The following RALGAPA1 variants were observed in gnomAD, a reference collection of about 807,000 sequenced individuals.
RALGAPA1 encodes Ral GTPase activating protein catalytic subunit alpha 1, also known as ral GTPase-activating protein subunit alpha-1.
Under a neutral mutation model 269.6 loss-of-function variants are expected in RALGAPA1, and 52 were observed. That is an observed-to-expected ratio of 0.19 (90% CI 0.15 to 0.24). RALGAPA1 has a LOEUF of 0.24. RALGAPA1 is among the 10% of genes least tolerant of loss of function. The pLI is 1.00. For synonymous variants in RALGAPA1, 817 were observed against 1,008.3 expected, an observed-to-expected ratio of 0.81 and a Z score of 3.60; for missense variants, 1,917 against 3,013.9, an observed-to-expected ratio of 0.64 and a Z score of 8.52.
At chr14:35,714,729 G>A (rs925343775) in intron 16 of RALGAPA1, among the ~76,000 whole-genome samples, 3 of 151,868 alleles carry the variant, frequency 2.0e-5, no homozygotes, top group African/African-American at 7.3e-5. Context: ...CTTGCATCTC[G>A]GACTTTAATT....
intron 16 of RALGAPA1, among the ~76,000 whole-genome samples, chr14:35,720,288 C>T (rs1198865580): frequency 2.0e-5 from 3 of 152,092 alleles, no homozygotes; most frequent in Admixed American, 6.5e-5. Context: ...TAAGACAATT[C>T]TGAATATGTG....
intron 9 of RALGAPA1, 24 bp from the exon 10 acceptor site, chr14:35,748,848 AAG>A (rs1555427369): frequency 1.3e-6 from 2 of 1,543,932 alleles, no homozygotes; most frequent in East Asian, 2.3e-5. Flanking sequence ...AAAAAAAAAA[AAG>A]AGAGAAACAA....
At chr14:35,761,073 A>G (rs1214261270) in intron 5 of RALGAPA1, 67 bp from the exon 6 acceptor site, 2 of 1,219,964 alleles carry the variant, frequency 1.6e-6, no homozygotes, top group African/African-American at 3.1e-5. Flanking sequence ...TTTGAAAAAC[A>G]AAGTTCTCTA....
intron 35 of RALGAPA1, among the ~76,000 whole-genome samples, chr14:35,621,986 C>T (rs1008362603): frequency 1.3e-5 from 2 of 152,154 alleles, no homozygotes; most frequent in Admixed American, 6.5e-5. Context: ...ACTAGAATTA[C>T]CATTTGACCC....
intron 4 of RALGAPA1, among the ~76,000 whole-genome samples, chr14:35,764,928 C>CT (rs1250456788): frequency 6.6e-6 from 1 of 152,180 alleles, no homozygotes; most frequent in Non-Finnish European, 1.5e-5. Context: ...TCCTTCCTTA[C>CT]ATTAAAATTA....
chr14:35,759,198 C>G (rs2073465603), intron 6 of RALGAPA1, among the ~76,000 whole-genome samples: 1 of 152,164 alleles, frequency 6.6e-6, no homozygotes, highest in African/African-American at 2.4e-5. Context: ...ACATTTTATG[C>G]CAGCTTGGTA....
chr14:35,709,968 T>A (rs912998988), intron 16 of RALGAPA1, among the ~76,000 whole-genome samples: 1 of 152,232 alleles, frequency 6.6e-6, no homozygotes, highest in Non-Finnish European at 1.5e-5. Flanking sequence ...TCTTGGTGAA[T>A]GTTTTGCATG....
At chr14:35,794,434 T>C (rs2076411159) in intron 1 of RALGAPA1, among the ~76,000 whole-genome samples, 1 of 152,276 alleles carries the variant, frequency 6.6e-6, no homozygotes, top group Admixed American at 6.5e-5. Flanking sequence ...AATCTGTTAA[T>C]CCATACTATT....
In RALGAPA1 at chr14:35,570,100, T is replaced by C. The variant is rs553468209; in HGVS notation, c.7496+517A>G. 1.7e-3 allele frequency among the ~76,000 whole-genome samples: 259 copies of C among 151,886 alleles called. 1 individual carries two copies. Among genetic ancestry groups the C allele is most frequent in the Admixed American group, 2.2e-3 (33 of 15,272 alleles). ...GCCTGGCCAACATGGTAAAACCCTGTCTCTACTAAAAATACAAAAATTAGC... is the reference window on the plus strand; with the variant it reads ...GCCTGGCCAACATGGTAAAACCCTGCCTCTACTAAAAATACAAAAATTAGC... On this transcript the variant is annotated intron_variant, in intron 39 of 41. Transcript: ENST00000680220.
chr14:35,669,177 A>G (rs1353608862), intron 26 of RALGAPA1, among the ~76,000 whole-genome samples: 1 of 152,220 alleles, frequency 6.6e-6, no homozygotes, highest in African/African-American at 2.4e-5. Flanking sequence ...AAACTCTTAC[A>G]TTGCACATAT....
chr14:35,586,641 T>C (rs1031902935), intron 37 of RALGAPA1, among the ~76,000 whole-genome samples: 1 of 152,232 alleles, frequency 6.6e-6, no homozygotes, highest in Non-Finnish European at 1.5e-5. Flanking sequence ...CCTAGTTTAT[T>C]GAGAGTTTTT....
chr14:35,539,619 G>C lies in RALGAPA1; in HGVS notation c.*95C>G. 1 of 1,614,118 alleles carries C rather than the reference G, an allele frequency of 6.2e-7. No individual in the cohort carries two copies. The highest frequency in any genetic ancestry group is 8.5e-7 in the Non-Finnish European group (1 of 1,180,020). ...CTTTTGCTAGTTCGAGGAGACATTG[G>C]AGAGGCCAGGTCAGCCCCATCTACC... On this transcript the variant is annotated 3_prime_UTR_variant, in exon 42 of 42. Coordinates refer to ENST00000680220, the MANE Select transcript of RALGAPA1 (RefSeq NM_001346249.2).
In RALGAPA1 at chr14:35,627,662, T is replaced by G. The variant is rs768027154; in HGVS notation, c.6285A>C (p.Ala2095=). 6.3e-7 allele frequency: 1 copy of G among 1,580,864 alleles called. No individual in the cohort carries two copies. Among genetic ancestry groups the G allele is most frequent in the Non-Finnish European group, 8.6e-7 (1 of 1,163,352 alleles). The change falls in exon 34 of 42, where the codon GCA becomes GCC. Residue 2095 remains alanine, a synonymous_variant. Transcript: ENST00000680220. The part of the protein sequence containing the change: ...MPGGGLSAGL[A]SANSNVRIIV... ...TGATTCTGACATTTGAATTGGCTGATGCAAGGCCAGCAGATAAACCTCCTC... is the reference window on the plus strand; with the variant it reads ...TGATTCTGACATTTGAATTGGCTGAGGCAAGGCCAGCAGATAAACCTCCTC...
At chr14:35,711,542 G>A (rs2068341543) in intron 16 of RALGAPA1, among the ~76,000 whole-genome samples, 1 of 152,168 alleles carries the variant, frequency 6.6e-6, no homozygotes, top group Admixed American at 6.5e-5. Flanking sequence ...CAACTTCCTG[G>A]GCTCAAGAGA....
At chr14:35,727,095 T>A in intron 13 of RALGAPA1, among the ~76,000 whole-genome samples, 1 of 151,828 alleles carries the variant, frequency 6.6e-6, no homozygotes. Flanking sequence ...TATAAAGCCA[T>A]TTTATACATA....
chr14:35,781,039 T>G (rs550588173), intron 1 of RALGAPA1, among the ~76,000 whole-genome samples: 1 of 152,014 alleles, frequency 6.6e-6, no homozygotes, highest in South Asian at 2.1e-4. Flanking sequence ...ATAAAAGAAA[T>G]AGAGACCCCC....
At chr14:35,636,203 T>A (rs2061655529) in intron 31 of RALGAPA1, among the ~76,000 whole-genome samples, 2 of 152,268 alleles carry the variant, frequency 1.3e-5, no homozygotes, top group Non-Finnish European at 2.9e-5. Flanking sequence ...CACACCATCA[T>A]GCCTGGATGG....
chr14:35,788,282 T>C lies in RALGAPA1; in HGVS notation c.107-12537A>G, dbSNP rs148326760. Among the ~76,000 whole-genome samples the C allele has an allele frequency of 1.9e-3, 294 of 152,272 alleles. 1 individual carries two copies. The highest frequency in any genetic ancestry group is 6.7e-3 in the African/African-American group (280 of 41,534). On this transcript the variant is annotated intron_variant, in intron 1 of 41. Transcript: ENST00000680220. ...CACTGCACCTGGTACTCAGTTTGTTTTTTTAAGAACAAATTCTACTTCTTA... is the reference window on the plus strand; with the variant it reads ...CACTGCACCTGGTACTCAGTTTGTTCTTTTAAGAACAAATTCTACTTCTTA...
At chr14:35,779,690 A>ACACACAACACAAC (rs2141614285) in intron 1 of RALGAPA1, among the ~76,000 whole-genome samples, 1 of 152,288 alleles carries the variant, frequency 6.6e-6, no homozygotes, top group Admixed American at 6.5e-5. Context: ...AAGCAAACCA[A>ACACACAACACAAC]AAAAACACAA....
Sources: gnomAD v4.1 joint callset for allele counts (sites outside exome capture counted in the v4.1 genomes callset) on GRCh38, gnomAD v4.1.1 for gene constraint, MANE v1.5 for transcripts, NCBI Gene and HGNC (gene_info 2026-07-23, HGNC 2026-07-21) for gene names.